SOCS6: variants seen among roughly 807,000 people sequenced by gnomAD.
The protein encoded by SOCS6 is suppressor of cytokine signaling 6.
Under a neutral mutation model 27.7 loss-of-function variants are expected in SOCS6, and 5 were observed. The ratio of observed to expected loss-of-function variants is 0.18; its 90% CI spans 0.09 to 0.38. SOCS6 has a LOEUF of 0.38. SOCS6 is among the 10% of genes least tolerant of loss of function. The pLI is 1.00. For synonymous variants in SOCS6, 271 were observed against 260.0 expected (o/e 1.04, Z -0.41); for missense variants, 595 against 688.1 (o/e 0.86, Z 1.51).
intron 1 of SOCS6, among the ~76,000 whole-genome samples, chr18:70,309,183 A>C (rs1266513175): frequency 6.6e-6 from 1 of 152,246 alleles, no homozygotes; most frequent in African/African-American, 2.4e-5. Flanking sequence ...ACTTTTATTT[A>C]TGAACATTGA....
intron 1 of SOCS6, among the ~76,000 whole-genome samples, chr18:70,304,389 AC>A (rs2062360649): frequency 6.6e-6 from 1 of 151,960 alleles, no homozygotes; most frequent in Non-Finnish European, 1.5e-5. Flanking sequence ...GAAAAAAAAA[AC>A]TTTGCTTAAA....
intron 1 of SOCS6, among the ~76,000 whole-genome samples, chr18:70,296,906 C>CTTTTTTTTTTTTTTTTTTCTTTTTT (rs375704179): frequency 7.7e-6 from 1 of 129,178 alleles, no homozygotes; most frequent in East Asian, 2.2e-4. Flanking sequence ...CATTTTCTTT[C>CTTTTTTTTTTTTTTTTTTCTTTTTT]TTTTTTTTTT....
At chr18:70,310,088 A>G (rs1427698268) in intron 1 of SOCS6, among the ~76,000 whole-genome samples, 1 of 152,222 alleles carries the variant, frequency 6.6e-6, no homozygotes, top group Non-Finnish European at 1.5e-5. Flanking sequence ...TGAAGAAGAA[A>G]TGAAAAAAAT....
At chr18:70,293,744 T>G (rs1327177225) in intron 1 of SOCS6, among the ~76,000 whole-genome samples, 1 of 151,858 alleles carries the variant, frequency 6.6e-6, no homozygotes, top group African/African-American at 2.4e-5. Flanking sequence ...AACTTAAGGT[T>G]TTGTTCCTTT....
chr18:70,290,069 AAAT>A (rs1293315784), intron 1 of SOCS6, among the ~76,000 whole-genome samples: 1 of 152,210 alleles, frequency 6.6e-6, no homozygotes. Context: ...GTAGCAAAAT[AAAT>A]AATGTTGAAT....
chr18:70,322,366 A>G (rs944551169), intron 1 of SOCS6, among the ~76,000 whole-genome samples: 37 of 152,204 alleles, frequency 2.4e-4, no homozygotes, highest in African/African-American at 8.2e-4. Flanking sequence ...ATAGTTTGTA[A>G]TGTCTAGGAT....
At chr18:70,298,059 T>C (rs547018794) in intron 1 of SOCS6, among the ~76,000 whole-genome samples, 1 of 152,308 alleles carries the variant, frequency 6.6e-6, no homozygotes, top group South Asian at 2.1e-4. Context: ...TTGTGTTATT[T>C]TTCAGTTAGT....
rs1433291337 is a variant in SOCS6, at chr18:70,325,547, G to A, written c.879G>A (p.Thr293=). The A allele has an allele frequency of 6.2e-7, 1 of 1,613,984 alleles. No individual in the cohort carries two copies. Among genetic ancestry groups the A allele is most frequent in the African/African-American group, 1.3e-5 (1 of 74,888 alleles). The change falls in exon 2 of 2, where the codon ACG becomes ACA. Residue 293 remains threonine (T), a synonymous_variant. Coordinates refer to ENST00000397942, the MANE Select transcript of SOCS6 (RefSeq NM_004232.4). This position sits in a 1 kb window ranked among gnomAD's most constrained non-coding sequence, Gnocchi z 6.3. ...TGAATGGCTTGTTGATTGGCACCAC[G>A]GGAGTCATGTTGCAGAGCCCGAGAG... The part of the protein sequence containing the change: ...QSVNGLLIGT[T]GVMLQSPRAG...
Position 70,326,035 on chromosome 18 carries a change from A to G in SOCS6, c.1367A>G (p.Asp456Gly), listed in dbSNP as rs1335744090. ...PDVEGHTSIV[D>G]LIEHSIRDSE... is the part of the protein sequence containing the mutation. The stretch of plus-strand genomic sequence containing the variant: ...GTGGAAGGACATACGTCCATAGTTG[A>G]TCTAATTGAGCATTCAATCAGGGAC... Residue 456 changes from aspartate (D) to glycine (G), a missense_variant, in exon 2 of 2, where the codon GAT (aspartate) becomes GGT (glycine). Transcript: ENST00000397942. 1.9e-6 allele frequency: 3 copies of G among 1,614,084 alleles called. No individual in the cohort carries two copies. Among genetic ancestry groups the G allele is most frequent in the Non-Finnish European group, 2.5e-6 (3 of 1,180,036 alleles).
intron 1 of SOCS6, among the ~76,000 whole-genome samples, chr18:70,307,276 A>G (rs2062373436): frequency 6.6e-6 from 1 of 152,032 alleles, no homozygotes; most frequent in African/African-American, 2.4e-5. Flanking sequence ...AATAATAAAG[A>G]ATTTTTCTAT....
chr18:70,329,453 C>T lies in SOCS6; in HGVS notation c.*3177C>T, dbSNP rs1181468122. 1.8e-5 allele frequency: 3 copies of T among 167,246 alleles called. No individual in the cohort carries two copies. Among genetic ancestry groups the T allele is most frequent in the East Asian group, 3.9e-4 (2 of 5,194 alleles). The allele number at this position is 167,246 out of a possible 1,614,324, so 10.4% of individuals were successfully genotyped here. ...TCTAACATAGGTTAATGCAATGTCT[C>T]TGCTAGTGCTACAAGTCTAAAATAT... On this transcript the variant is annotated 3_prime_UTR_variant, in exon 2 of 2. Coordinates refer to ENST00000397942, the MANE Select transcript of SOCS6 (RefSeq NM_004232.4).
At chr18:70,305,239 A>G (rs1041350013) in intron 1 of SOCS6, among the ~76,000 whole-genome samples, 7 of 152,230 alleles carry the variant, frequency 4.6e-5, no homozygotes, top group Non-Finnish European at 7.3e-5. Context: ...TTATAGTTTT[A>G]GTTCATACAT....
intron 1 of SOCS6, among the ~76,000 whole-genome samples, chr18:70,289,609 G>A (rs1260979184): frequency 1.4e-5 from 2 of 147,872 alleles, no homozygotes; most frequent in Non-Finnish European, 3.0e-5. Context: ...CTCGGGCTCG[G>A]GGTCGGGGCG....
Position 70,327,452 on chromosome 18 carries a change from C to G in SOCS6, c.*1176C>G. The G allele has an allele frequency of 6.0e-6, 1 of 166,680 alleles. No homozygotes were observed. The allele number at this position is 166,680 out of a possible 1,614,324, so 10.3% of individuals were successfully genotyped here. Reference sequence around the variant, plus strand: ...TTGTGGAAATTGTGGAGCAATTTTTCTCACAATGTGAGAAAAATTCTAAAC... The same window carrying G: ...TTGTGGAAATTGTGGAGCAATTTTTGTCACAATGTGAGAAAAATTCTAAAC... On this transcript the variant is annotated 3_prime_UTR_variant, in exon 2 of 2. Coordinates refer to ENST00000397942, the MANE Select transcript of SOCS6 (RefSeq NM_004232.4).
At chr18:70,317,545 A>G (rs1329420939) in intron 1 of SOCS6, among the ~76,000 whole-genome samples, 1 of 118,106 alleles carries the variant, frequency 8.5e-6, no homozygotes, top group African/African-American at 4.1e-5. Flanking sequence ...TACACACTTC[A>G]TATATACATA....
intron 1 of SOCS6, among the ~76,000 whole-genome samples, chr18:70,318,614 TG>T (rs1412252140): frequency 2.0e-5 from 3 of 151,788 alleles, no homozygotes; most frequent in South Asian, 4.1e-4. Flanking sequence ...ATATTATTGT[TG>T]TTTTTTTTTT....
Position 70,328,486 on chromosome 18 carries a change from G to A in SOCS6, c.*2210G>A, listed in dbSNP as rs554190786. ...TTAAGATCTACCCGCTTAGTGTCAA[G>A]ATTATTGAGATTTTCATCTAAATGT... is the stretch of plus-strand genomic sequence containing the variant. On this transcript the variant is annotated 3_prime_UTR_variant, in exon 2 of 2. Transcript: ENST00000397942. The A allele has an allele frequency of 6.0e-6, 1 of 166,920 alleles. No individual in the cohort carries two copies. The highest frequency in any genetic ancestry group is 2.1e-4 in the South Asian group (1 of 4,822). The allele number at this position is 166,920 out of a possible 1,614,324, so 10.3% of individuals were successfully genotyped here.
At position 70,321,013 on chromosome 18, in the gene SOCS6, A is replaced by C. The variant is rs1910965072; in HGVS notation, c.-126-3530A>C. ...AAAATTAGGCTGGGCATAGTGGCTCATACCTGTAATCCCAGCACTTTGGGA... is the reference window on the plus strand; with the variant it reads ...AAAATTAGGCTGGGCATAGTGGCTCCTACCTGTAATCCCAGCACTTTGGGA... On this transcript the variant is annotated intron_variant, in intron 1 of 1. Transcript: ENST00000397942. Among the ~76,000 whole-genome samples, 7 of 152,284 alleles carry C rather than the reference A, an allele frequency of 4.6e-5. No homozygotes were observed. In the South Asian group the frequency reaches 1.5e-3, roughly 32 times the overall value.
In SOCS6 at chr18:70,325,274, T is replaced by A; in HGVS notation, c.606T>A (p.His202Gln). Reference protein sequence around the residue: ...KSSASHNGDLHLHLDEHVPVV... With the variant: ...KSSASHNGDLQLHLDEHVPVV... ...CGGCTTCTCATAATGGAGACCTGCA[T>A]CTTCACCTGGATGAACATGTGCCTG... The change falls in exon 2 of 2, where the codon CAT (histidine) becomes CAA (glutamine). Residue 202 changes from histidine (H) to glutamine (Q), a missense_variant. Coordinates refer to ENST00000397942, the MANE Select transcript of SOCS6 (RefSeq NM_004232.4). The surrounding 1 kb of genome is among the most constrained non-coding windows in gnomAD (Gnocchi z 6.3). The A allele has an allele frequency of 6.2e-7, 1 of 1,614,228 alleles. No individual in the cohort carries two copies. The highest frequency in any genetic ancestry group is 8.5e-7 in the Non-Finnish European group (1 of 1,180,040).
Sources: allele counts gnomAD v4.1 joint callset (sites outside exome capture counted in the v4.1 genomes callset), GRCh38; gene constraint gnomAD v4.1.1; non-coding constraint Gnocchi (gnomAD v3.1); transcripts MANE v1.5; gene names NCBI Gene and HGNC (gene_info 2026-07-23, HGNC 2026-07-21).